Variants in SIDT1 observed in about 807,000 individuals in gnomAD.
SIDT1 encodes SID1 transmembrane family member 1.
A neutral mutation model predicts 107.5 loss-of-function variants in SIDT1; 101 were observed. That is an observed-to-expected ratio of 0.94 (90% CI 0.80 to 1.11). The LOEUF (loss-of-function observed/expected upper bound fraction) is 1.11. Ranked by LOEUF, SIDT1 falls within the 50% of genes least tolerant of loss-of-function variation. SIDT1 has a pLI of 0.00. For synonymous variants in SIDT1, 395 were observed against 398.2 expected, an observed-to-expected ratio of 0.99 and a Z score of 0.10; for missense variants, 1,076 against 1,058.2, an observed-to-expected ratio of 1.02 and a Z score of -0.23.
At chr3:113,611,822 G>A (rs921317974) in intron 18 of SIDT1, among the ~76,000 whole-genome samples, 23 of 151,964 alleles carry the variant, frequency 1.5e-4, no homozygotes, top group Admixed American at 1.4e-3. Context: ...AAGTTCATTC[G>A]CCCCCACTTT....
At position 113,581,341 on chromosome 3, in the gene SIDT1, A is replaced by G; in HGVS notation, c.664-20A>G. 6.3e-7 allele frequency: 1 copy of G among 1,598,188 alleles called. No homozygotes were observed. The highest frequency in any genetic ancestry group is 1.1e-5 in the South Asian group (1 of 90,804). The stretch of plus-strand genomic sequence containing the variant: ...TGACATTATGGATGCTTTCCATTTT[A>G]TTCCTCATGCATGCTGCAGTGCCCG... On this transcript the variant is annotated intron_variant, in intron 5 of 24. Transcript: ENST00000264852.
At chr3:113,547,200 A>G (rs895565443) in intron 1 of SIDT1, among the ~76,000 whole-genome samples, 34 of 152,156 alleles carry the variant, frequency 2.2e-4, no homozygotes, top group African/African-American at 8.0e-4. Flanking sequence ...CCATACATGT[A>G]TCAAAATATC....
intron 6 of SIDT1, 175 bp downstream of exon 6, chr3:113,581,619 T>A (rs1943351993): frequency 3.5e-6 from 2 of 575,190 alleles, no homozygotes; most frequent in Non-Finnish European, 6.2e-6. Flanking sequence ...ACACCTGTAA[T>A]CCTAGCACTT....
Position 113,628,073 on chromosome 3 carries a change from C to G in SIDT1, c.*365C>G, listed in dbSNP as rs41271377. On this transcript the variant is annotated 3_prime_UTR_variant, in exon 25 of 25. Transcript: ENST00000264852. ...ATGGCAGAATGCTGCTGCACACTTC[C>G]CTCCAGTTGTCACCCTGCCCAGAAA... is the stretch of plus-strand genomic sequence containing the variant. 70 of 217,934 alleles carry G rather than the reference C, an allele frequency of 3.2e-4. No homozygotes were observed. Among genetic ancestry groups the G allele is most frequent in the Non-Finnish European group, 5.2e-4 (57 of 108,818 alleles). 13.5% of individuals were successfully genotyped at this position (217,934 alleles called of 1,614,324 possible). A position where few individuals can be genotyped will look rare whatever the true frequency, so the allele number is the denominator to read the frequency against.
At chr3:113,564,833 A>C (rs1452063381) in intron 1 of SIDT1, among the ~76,000 whole-genome samples, 1 of 152,202 alleles carries the variant, frequency 6.6e-6, no homozygotes, top group African/African-American at 2.4e-5. Context: ...GCTGCAGCAT[A>C]ATTTCCATGG....
chr3:113,586,360 T>G (rs1943746411), intron 9 of SIDT1, among the ~76,000 whole-genome samples: 1 of 152,170 alleles, frequency 6.6e-6, no homozygotes, highest in African/African-American at 2.4e-5. Flanking sequence ...TCAACAAATT[T>G]ATGAAAACAG....
intron 1 of SIDT1, among the ~76,000 whole-genome samples, chr3:113,541,127 T>TACAC (rs1311874130): frequency 1.4e-5 from 2 of 140,164 alleles, no homozygotes; most frequent in African/African-American, 6.0e-5. Flanking sequence ...TATATATATA[T>TACAC]ATATATACAC....
intron 1 of SIDT1, among the ~76,000 whole-genome samples, chr3:113,539,546 G>C (rs981544983): frequency 6.6e-6 from 1 of 152,164 alleles, no homozygotes; most frequent in Non-Finnish European, 1.5e-5. Context: ...GACATGCTAA[G>C]AAATAGATCA....
At chr3:113,553,242 T>C (rs1940470662) in intron 1 of SIDT1, among the ~76,000 whole-genome samples, 2 of 152,172 alleles carry the variant, frequency 1.3e-5, no homozygotes, top group South Asian at 4.1e-4. Context: ...AGGAAGATGT[T>C]TGCAGATGAT....
intron 1 of SIDT1, among the ~76,000 whole-genome samples, chr3:113,549,735 T>C (rs1191809792): frequency 1.3e-5 from 2 of 152,218 alleles, no homozygotes; most frequent in African/African-American, 2.4e-5. Flanking sequence ...ACAGATCAGA[T>C]ATTTTTATTT....
At chr3:113,554,128 G>A (rs933619989) in intron 1 of SIDT1, among the ~76,000 whole-genome samples, 2 of 152,144 alleles carry the variant, frequency 1.3e-5, no homozygotes, top group African/African-American at 4.8e-5. Context: ...GGAGTGAGAG[G>A]CAAAAGTAGC....
chr3:113,608,278 G>A (rs777963697), intron 16 of SIDT1, 61 bp downstream of exon 16: 42 of 1,554,664 alleles, frequency 2.7e-5, no homozygotes, highest in African/African-American at 4.1e-5. Flanking sequence ...TCTGCAAAGG[G>A]GTGGGACATC....
chr3:113,623,652 C>A lies in SIDT1; in HGVS notation c.2226C>A (p.Val742=). ...KLRSSEKVLP[V]PLFCIVATAV... is the part of the protein sequence containing the mutation. ...GCAGCTCTGAAAAGGTCCTCCCAGT[C>A]CCGCTCTTCTGCATCGTGGCCACCG... The change falls in exon 23 of 25, where the codon GTC becomes GTA. Residue 742 remains valine (V), a synonymous_variant. Transcript: ENST00000264852. The A allele has an allele frequency of 6.2e-7, 1 of 1,614,060 alleles. No homozygotes were observed. Among genetic ancestry groups the A allele is most frequent in the Non-Finnish European group, 8.5e-7 (1 of 1,179,946 alleles).
rs1227711454 is a variant in SIDT1 at position 113,629,024 on chromosome 3, G to GA, written c.*1320dup. ...TGTTGCCTGGAGTATGACGTAATCA[G>GA]AAAATAGACGTATAAATGTGCACAT... On this transcript the variant is annotated 3_prime_UTR_variant, in exon 25 of 25. Coordinates refer to ENST00000264852, the MANE Select transcript of SIDT1 (RefSeq NM_017699.3). 1 of 152,160 alleles carries GA rather than the reference G, an allele frequency of 6.6e-6. No individual in the cohort carries two copies. The highest frequency in any genetic ancestry group is 2.4e-5 in the African/African-American group (1 of 41,426). The allele number at this position is 152,160 out of a possible 1,614,324, so 9.4% of individuals were successfully genotyped here. A position where few individuals can be genotyped will look rare whatever the true frequency, so the allele number is the denominator to read the frequency against.
At chr3:113,577,690 G>A (rs1943012467) in intron 4 of SIDT1, among the ~76,000 whole-genome samples, 1 of 152,142 alleles carries the variant, frequency 6.6e-6, no homozygotes, top group Non-Finnish European at 1.5e-5. Context: ...TTCGAAACAA[G>A]TTTATTTGTT....
the SIDT1 span, among the ~76,000 whole-genome samples, chr3:113,635,134 T>C: frequency 6.6e-6 from 1 of 152,262 alleles, no homozygotes; most frequent in African/African-American, 2.4e-5. Flanking sequence ...TGGGAGCCTG[T>C]TGTTTCAAAA....
chr3:113,548,664 C>T (rs989927939), intron 1 of SIDT1, among the ~76,000 whole-genome samples: 1 of 152,064 alleles, frequency 6.6e-6, no homozygotes, highest in African/African-American at 2.4e-5. Flanking sequence ...AAGTAAGATT[C>T]TCATCATCAA....
chr3:113,617,180 C>T (rs1026102976), intron 20 of SIDT1, among the ~76,000 whole-genome samples: 4 of 152,264 alleles, frequency 2.6e-5, no homozygotes, highest in Admixed American at 1.3e-4. Flanking sequence ...AACTGGGACC[C>T]GTGTTCACTC....
At chr3:113,545,147 T>C (rs1437230369) in intron 1 of SIDT1, among the ~76,000 whole-genome samples, 1 of 142,336 alleles carries the variant, frequency 7.0e-6, no homozygotes, top group Non-Finnish European at 1.5e-5. Context: ...AAAAAGTCAT[T>C]CGTGAAGTAA....
Sources: gnomAD v4.1 joint callset for allele counts (sites outside exome capture counted in the v4.1 genomes callset) on GRCh38, gnomAD v4.1.1 for gene constraint, MANE v1.5 for transcripts, NCBI Gene and HGNC (gene_info 2026-07-23, HGNC 2026-07-21) for gene names.